The following GRM3 variants were observed in gnomAD, a reference collection of about 807,000 sequenced individuals.
GRM3 encodes glutamate metabotropic receptor 3.
GRM3 carries 26 observed loss-of-function variants against 70.5 expected under a neutral mutation model. That is an observed-to-expected ratio of 0.37 (90% confidence interval 0.27 to 0.51). The LOEUF (loss-of-function observed/expected upper bound fraction) is 0.51, where lower values mean the gene tolerates loss of function less well. Among genes scored for constraint, GRM3 ranks in the 20% least tolerant of loss-of-function variants. The probability of loss-of-function intolerance (pLI) is 0.93; values close to 1 mark genes in which losing one functional copy is unlikely to be tolerated. For missense variants in GRM3, 859 were observed against 1,123.8 expected, an observed-to-expected ratio of 0.76 and a Z score of 3.37; for synonymous variants, 443 against 434.9, an observed-to-expected ratio of 1.02 and a Z score of -0.23.
chr7:86,840,032 T>C, intron 4 of GRM3, 127 bp downstream of exon 4: 1 of 625,686 alleles, frequency 1.6e-6, no homozygotes, highest in Non-Finnish European at 2.8e-6. Context: ...ATGATGAGCC[T>C]GTATATTGTA....
Position 86,839,605 on chromosome 7 carries a change from G to C in GRM3, c.2091G>C (p.Leu697=), listed in dbSNP as rs1798523558. 1 of 1,613,902 alleles carries C rather than the reference G, an allele frequency of 6.2e-7. No homozygotes were observed. The highest frequency in any genetic ancestry group is 1.3e-5 in the African/African-American group (1 of 74,986). Residue 697 remains leucine, a synonymous_variant, in exon 4 of 6, where the codon CTG becomes CTC. Transcript: ENST00000361669. The surrounding 1 kb of genome is among the most constrained non-coding windows in gnomAD (Gnocchi z 4.5). ...TTTTCATCTGCCTGGGTCTGATCCT[G>C]GTGCAAATTGTGATGGTGTCTGTGT... ...SQVFICLGLI[L]VQIVMVSVWL... is the part of the protein sequence containing the mutation.
At chr7:86,808,540 A>G (rs900799982) in intron 3 of GRM3, among the ~76,000 whole-genome samples, 1 of 151,966 alleles carries the variant, frequency 6.6e-6, no homozygotes, top group Non-Finnish European at 1.5e-5. Flanking sequence ...ATGCTGATCC[A>G]TACCATGAAG....
chr7:86,863,543 A>C (rs1320499992), intron 5 of GRM3, among the ~76,000 whole-genome samples: 2 of 152,118 alleles, frequency 1.3e-5, no homozygotes, highest in African/African-American at 4.8e-5. Flanking sequence ...CTTTTCTGAG[A>C]CCCGTTATGA....
chr7:86,762,858 G>T (rs148593602), intron 1 of GRM3, among the ~76,000 whole-genome samples: 2 of 152,232 alleles, frequency 1.3e-5, no homozygotes, highest in East Asian at 3.9e-4. Context: ...AACACCTACT[G>T]AGTGCACATA....
At chr7:86,794,893 A>AC (rs1313619849) in intron 3 of GRM3, among the ~76,000 whole-genome samples, 1 of 152,164 alleles carries the variant, frequency 6.6e-6, no homozygotes, top group African/African-American at 2.4e-5. Context: ...AAAAAAAAAA[A>AC]AACAATTTTA....
intron 1 of GRM3, among the ~76,000 whole-genome samples, chr7:86,735,826 A>G (rs1000449547): frequency 3.3e-5 from 5 of 152,226 alleles, no homozygotes; most frequent in Admixed American, 2.0e-4. Flanking sequence ...TACTTTATAT[A>G]AATAAAGTTT....
intron 3 of GRM3, among the ~76,000 whole-genome samples, chr7:86,811,265 C>T (rs1458561946): frequency 6.6e-6 from 1 of 151,802 alleles, no homozygotes; most frequent in Non-Finnish European, 1.5e-5. Flanking sequence ...CTGGAAAAAA[C>T]ATTTAGCTTT....
intron 2 of GRM3, among the ~76,000 whole-genome samples, chr7:86,766,136 G>A (rs1341094698): frequency 6.6e-6 from 1 of 152,110 alleles, no homozygotes; most frequent in Non-Finnish European, 1.5e-5. Context: ...GAGTGAAGGA[G>A]CTGGTAAGTA....
intron 3 of GRM3, among the ~76,000 whole-genome samples, chr7:86,803,354 C>A (rs1448817584): frequency 6.6e-6 from 1 of 152,150 alleles, no homozygotes; most frequent in East Asian, 1.9e-4. Flanking sequence ...TGAATCCTTT[C>A]TTTTCAGTAG....
At chr7:86,776,767 C>T (rs16888210) in intron 2 of GRM3, among the ~76,000 whole-genome samples, 11,680 of 152,188 alleles carry the variant, frequency 0.077, 739 homozygotes, top group African/African-American at 0.18. Context: ...AGGTACTAAA[C>T]GATGTGTTTC....
intron 3 of GRM3, among the ~76,000 whole-genome samples, chr7:86,806,546 TC>T (rs1251187993): frequency 6.6e-6 from 1 of 152,192 alleles, no homozygotes; most frequent in Non-Finnish European, 1.5e-5. Context: ...ATAAATGTCT[TC>T]TTTTGAGAAG....
chr7:86,752,587 T>G (rs1796255721), intron 1 of GRM3, among the ~76,000 whole-genome samples: 1 of 151,992 alleles, frequency 6.6e-6, no homozygotes, highest in South Asian at 2.1e-4. Context: ...GGGTCAATAT[T>G]CCCTGAAACT....
At chr7:86,809,434 T>C (rs1443064692) in intron 3 of GRM3, among the ~76,000 whole-genome samples, 2 of 152,048 alleles carry the variant, frequency 1.3e-5, no homozygotes, top group Non-Finnish European at 2.9e-5. Flanking sequence ...GATATTATTC[T>C]CTGTGTAAAT....
At chr7:86,774,831 A>C (rs1363789075) in intron 2 of GRM3, among the ~76,000 whole-genome samples, 1 of 152,168 alleles carries the variant, frequency 6.6e-6, no homozygotes, top group Non-Finnish European at 1.5e-5. Context: ...ATGTGGTTGA[A>C]CAAATGATCT....
chr7:86,773,814 AT>A (rs1476492976), intron 2 of GRM3, among the ~76,000 whole-genome samples: 2 of 151,884 alleles, frequency 1.3e-5, no homozygotes, highest in Admixed American at 6.6e-5. Context: ...ATATGCTACT[AT>A]TTTTTTCCTT....
intron 1 of GRM3, among the ~76,000 whole-genome samples, chr7:86,647,769 C>T (rs148155978): frequency 2.0e-5 from 3 of 152,116 alleles, no homozygotes; most frequent in Non-Finnish European, 2.9e-5. Context: ...ATCACTGAGA[C>T]GGCAAAAACT....
chr7:86,710,485 A>G (rs1283173852), intron 1 of GRM3, among the ~76,000 whole-genome samples: 2 of 149,188 alleles, frequency 1.3e-5, no homozygotes, highest in Middle Eastern at 3.2e-3. Flanking sequence ...CTTGTATAAA[A>G]TAACTATAGA....
intron 1 of GRM3, among the ~76,000 whole-genome samples, chr7:86,728,288 G>GGGT (rs1189939216): frequency 3.9e-5 from 6 of 152,066 alleles, no homozygotes; most frequent in Admixed American, 2.6e-4. Context: ...TCTCCATCCT[G>GGGT]TAAACCACAG....
intron 1 of GRM3, among the ~76,000 whole-genome samples, chr7:86,666,517 C>T (rs368311457): frequency 1.3e-5 from 2 of 152,024 alleles, no homozygotes; most frequent in East Asian, 3.8e-4. Flanking sequence ...TTAAAAGTAG[C>T]TATCCCTCTC....
Sources: gnomAD v4.1 joint callset for allele counts (sites outside exome capture counted in the v4.1 genomes callset) on GRCh38, gnomAD v4.1.1 for gene constraint, Gnocchi (gnomAD v3.1) non-coding constraint, MANE v1.5 for transcripts, NCBI Gene and HGNC (gene_info 2026-07-23, HGNC 2026-07-21) for gene names.